The following ARB2A variants were observed in gnomAD, a reference collection of about 807,000 sequenced individuals.
ARB2A encodes the protein cotranscriptional regulator ARB2A.
the ARB2A span, among the ~76,000 whole-genome samples, chr5:93,652,878 C>T: frequency 6.6e-6 from 1 of 152,012 alleles, no homozygotes; most frequent in South Asian, 2.1e-4. Context: ...GTAATGTAGA[C>T]ATGAACTAGA....
chr5:93,788,562 T>A, the ARB2A span, among the ~76,000 whole-genome samples: 3 of 152,242 alleles, frequency 2.0e-5, no homozygotes, highest in East Asian at 5.8e-4. Flanking sequence ...CATGTCATCC[T>A]AAGCATTCTT....
chr5:94,033,217 T>G, the ARB2A span, among the ~76,000 whole-genome samples: 2 of 152,160 alleles, frequency 1.3e-5, no homozygotes, highest in African/African-American at 4.8e-5. Flanking sequence ...TTTATAACAG[T>G]GTGAGAATAT....
chr5:94,047,067 G>A, the ARB2A span, among the ~76,000 whole-genome samples: 1 of 152,060 alleles, frequency 6.6e-6, no homozygotes, highest in African/African-American at 2.4e-5. Context: ...TCCAATTCCT[G>A]GGTCTTTTTG....
At chr5:94,046,370 C>G in the ARB2A span, among the ~76,000 whole-genome samples, 8 of 151,974 alleles carry the variant, frequency 5.3e-5, no homozygotes, top group Non-Finnish European at 1.0e-4. Context: ...GATCTCTCCT[C>G]AAGAGTTGAC....
the ARB2A span, among the ~76,000 whole-genome samples, chr5:94,082,030 C>T: frequency 6.6e-6 from 1 of 152,126 alleles, no homozygotes; most frequent in South Asian, 2.1e-4. Context: ...TCTAGGCATA[C>T]TCTAGCTAGA....
chr5:93,653,938 T>C, the ARB2A span, among the ~76,000 whole-genome samples: 4 of 152,220 alleles, frequency 2.6e-5, no homozygotes, highest in Non-Finnish European at 5.9e-5. Context: ...GTGAGTATGT[T>C]GAGTCACTTG....
the ARB2A span, among the ~76,000 whole-genome samples, chr5:93,920,749 G>A: frequency 6.6e-6 from 1 of 152,026 alleles, no homozygotes; most frequent in Non-Finnish European, 1.5e-5. Flanking sequence ...GTATAAAATC[G>A]TAACTGCATA....
the ARB2A span, among the ~76,000 whole-genome samples, chr5:93,919,698 G>C: frequency 2.8e-4 from 42 of 152,154 alleles, no homozygotes; most frequent in African/African-American, 1.0e-3. Flanking sequence ...TTTCTATTAG[G>C]TATCTCAAAC....
the ARB2A span, among the ~76,000 whole-genome samples, chr5:93,653,338 C>G: frequency 1.3e-5 from 2 of 151,042 alleles, no homozygotes; most frequent in South Asian, 4.2e-4. Context: ...GAAACCCCAT[C>G]TCTACTAAAA....
the ARB2A span, among the ~76,000 whole-genome samples, chr5:94,065,944 T>G: frequency 6.6e-6 from 1 of 152,096 alleles, no homozygotes; most frequent in African/African-American, 2.4e-5. Flanking sequence ...TATCAACACA[T>G]GGAGCATTCT....
At chr5:93,657,462 T>C in the ARB2A span, among the ~76,000 whole-genome samples, 1 of 152,192 alleles carries the variant, frequency 6.6e-6, no homozygotes, top group Non-Finnish European at 1.5e-5. Flanking sequence ...ATGGTTATGA[T>C]AATTACATCC....
At chr5:93,879,888 C>G in the ARB2A span, among the ~76,000 whole-genome samples, 1 of 151,610 alleles carries the variant, frequency 6.6e-6, no homozygotes, top group African/African-American at 2.4e-5. Context: ...ATTTCAAAAG[C>G]CTTATATAAT....
the ARB2A span, among the ~76,000 whole-genome samples, chr5:93,867,094 T>C: frequency 1.3e-5 from 2 of 152,194 alleles, no homozygotes; most frequent in Admixed American, 1.3e-4. Flanking sequence ...TAGATTTACT[T>C]ATCAGTGTAA....
the ARB2A span, among the ~76,000 whole-genome samples, chr5:94,021,538 A>C: frequency 6.6e-6 from 1 of 152,216 alleles, no homozygotes; most frequent in East Asian, 1.9e-4. Flanking sequence ...CCGTGCAGTA[A>C]CAGAAGACAT....
chr5:93,725,161 TG>T, the ARB2A span, among the ~76,000 whole-genome samples: 2 of 152,062 alleles, frequency 1.3e-5, no homozygotes, highest in Admixed American at 1.3e-4. Context: ...ACTGAACCTG[TG>T]GAAAGCAAAA....
At chr5:93,816,248 G>A in the ARB2A span, among the ~76,000 whole-genome samples, 1 of 151,998 alleles carries the variant, frequency 6.6e-6, no homozygotes, top group Admixed American at 6.6e-5. Context: ...TCATTTTAAG[G>A]TTACAAGAAC....
At chr5:93,875,847 G>C in the ARB2A span, among the ~76,000 whole-genome samples, 1 of 151,432 alleles carries the variant, frequency 6.6e-6, no homozygotes, top group South Asian at 2.1e-4. Context: ...GGGTACACAA[G>C]TTTCTAAGGG....
At chr5:94,065,514 CA>C in the ARB2A span, among the ~76,000 whole-genome samples, 2 of 150,362 alleles carry the variant, frequency 1.3e-5, no homozygotes, top group African/African-American at 4.9e-5. Context: ...ACCCTGTCTC[CA>C]AAAAAAGAAA....
chr5:94,073,326 A>T, the ARB2A span, among the ~76,000 whole-genome samples: 4 of 152,104 alleles, frequency 2.6e-5, no homozygotes, highest in Non-Finnish European at 4.4e-5. Flanking sequence ...CCTATAGTAC[A>T]GATGAAGAGA....
Sources: gnomAD v4.1 joint callset for allele counts (sites outside exome capture counted in the v4.1 genomes callset) on GRCh38, gnomAD v4.1.1 for gene constraint, MANE v1.5 for transcripts, NCBI Gene and HGNC (gene_info 2026-07-23, HGNC 2026-07-21) for gene names.